Variants in CACNA1H observed in about 807,000 individuals in gnomAD.
CACNA1H encodes the protein voltage-dependent T-type calcium channel subunit alpha-1H.
CACNA1H carries 149 observed loss-of-function variants against 192.5 expected under a neutral mutation model. The observed-to-expected ratio is 0.77, with a 90% CI of 0.68 to 0.89. CACNA1H has a LOEUF of 0.89. Ranked by LOEUF, CACNA1H falls within the 40% of genes least tolerant of loss-of-function variation. CACNA1H has a pLI of 0.00. For synonymous variants in CACNA1H, 2,202 were observed against 1,475.2 expected, an observed-to-expected ratio of 1.49 and a Z score of -11.29; for missense variants, 4,257 against 3,423.5, an observed-to-expected ratio of 1.24 and a Z score of -6.08.
In CACNA1H at chr16:1,213,048, C is replaced by T. The variant is rs60104047; in HGVS notation, c.4777+520C>T. Among the ~76,000 whole-genome samples the T allele has an allele frequency of 5.0e-3, 765 of 152,328 alleles. 8 individuals carry two copies. The highest frequency in any genetic ancestry group is 0.017 in the African/African-American group (706 of 41,582). On this transcript the variant is annotated intron_variant, in intron 26 of 34. Coordinates refer to ENST00000348261, the MANE Select transcript of CACNA1H (RefSeq NM_021098.3). The stretch of plus-strand genomic sequence containing the variant: ...GCCTTCACCCGCGGGAGCTCCTCCT[C>T]GTACGTGGAGGGGCCCTGGAGGCTG...
chr16:1,216,106 G>A (rs966136383), intron 30 of CACNA1H, among the ~76,000 whole-genome samples: 13 of 152,070 alleles, frequency 8.5e-5, no homozygotes, highest in Non-Finnish European at 1.5e-4. Flanking sequence ...CCGTGTGTCC[G>A]TCCATCCACC....
At chr16:1,177,654 GGGAGTGTGTTTCTCGGTTCT>G (rs1288769216) in intron 2 of CACNA1H, among the ~76,000 whole-genome samples, 2 of 152,082 alleles carry the variant, frequency 1.3e-5, no homozygotes, top group Admixed American at 6.5e-5. Flanking sequence ...CGGGGACAGA[GGGAGTGTGTTTCTCGGTTCT>G]GGAGGCTGGA....
intron 26 of CACNA1H, among the ~76,000 whole-genome samples, chr16:1,213,291 C>T (rs935065198): frequency 6.6e-6 from 1 of 152,194 alleles, no homozygotes; most frequent in Non-Finnish European, 1.5e-5. Flanking sequence ...GTGGGGCTGC[C>T]CTGCCCAGCC....
intron 2 of CACNA1H, among the ~76,000 whole-genome samples, chr16:1,193,887 C>G (rs1459190080): frequency 1.3e-5 from 2 of 152,064 alleles, no homozygotes; most frequent in African/African-American, 4.8e-5. Context: ...CAAGCCTGTT[C>G]CCCTCCTACC....
chr16:1,185,040 G>A (rs772124109), intron 2 of CACNA1H, among the ~76,000 whole-genome samples: 5 of 152,146 alleles, frequency 3.3e-5, no homozygotes, highest in Non-Finnish European at 7.4e-5. Context: ...ATCAGCCCTC[G>A]CTGCCCAGCC....
intron 2 of CACNA1H, among the ~76,000 whole-genome samples, chr16:1,170,221 G>T (rs1032087173): frequency 6.6e-6 from 1 of 152,160 alleles, no homozygotes; most frequent in African/African-American, 2.4e-5. Flanking sequence ...CCGAGGCTCA[G>T]CCCACCCTGT....
At position 1,162,457 on chromosome 16, in the gene CACNA1H, C is replaced by T. The variant is rs185445992; in HGVS notation, c.299+8421C>T. ...AGTCAGCCCCTTTCAGGATGAATCGCGATTGGTCGCCCACTGTTGTCAGGC... is the reference window on the plus strand; with the variant it reads ...AGTCAGCCCCTTTCAGGATGAATCGTGATTGGTCGCCCACTGTTGTCAGGC... On this transcript the variant is annotated intron_variant, in intron 2 of 34. Transcript: ENST00000348261. Among the ~76,000 whole-genome samples the T allele has an allele frequency of 4.3e-4, 66 of 152,304 alleles. No individual in the cohort carries two copies. The South Asian group carries it at 0.013, about 29-fold the overall frequency.
chr16:1,213,462 C>T (rs1482387185), intron 26 of CACNA1H, among the ~76,000 whole-genome samples: 1 of 152,110 alleles, frequency 6.6e-6, no homozygotes, highest in African/African-American at 2.4e-5. Context: ...TGGGGGCTGC[C>T]TGGCGCAACC....
At chr16:1,203,828 C>T (rs1192017147) in intron 9 of CACNA1H, among the ~76,000 whole-genome samples, 182 bp from the exon 10 acceptor site, 1 of 152,230 alleles carries the variant, frequency 6.6e-6, no homozygotes, top group Non-Finnish European at 1.5e-5. Flanking sequence ...TCATTGTAAC[C>T]CATGACACCT....
rs58812334 is a variant in CACNA1H at position 1,209,406 on chromosome 16, G to A, written c.3738G>A (p.Ser1246=). The A allele has an allele frequency of 0.015, 24,571 of 1,597,486 alleles. 215 individuals are homozygous for A. Among genetic ancestry groups the A allele is most frequent in the Non-Finnish European group, 0.019 (21,890 of 1,179,342 alleles). The part of the protein sequence containing the change: ...REDAAELDDD[S]EDSCCLRLHK... ...ATGCAGCCGAGCTTGACGACGACTC[G>A]GAGGACGTGAGTGCGTGGCCCTGGG... Residue 1246 remains serine (S), a synonymous_variant, in exon 17 of 35, where the codon TCG becomes TCA. Transcript: ENST00000348261.
rs368713417 is a variant in CACNA1H at position 1,198,634 on chromosome 16, T to C, written c.663T>C (p.Thr221=). 8 of 1,613,226 alleles carry C rather than the reference T, an allele frequency of 5.0e-6. No individual in the cohort carries two copies. The South Asian group carries it at 8.8e-5, about 18-fold the overall frequency. Residue 221 remains threonine (T), a synonymous_variant, in exon 6 of 35, where the codon ACT becomes ACC. Coordinates refer to ENST00000348261, the MANE Select transcript of CACNA1H (RefSeq NM_021098.3). ...NRVPSMRILV[T]LLLDTLPMLG... ...CCACAGGCATGCGGATCCTGGTCAC[T>C]CTGCTGCTGGATACGCTGCCCATGC...
At chr16:1,192,189 G>A (rs1966683919) in intron 2 of CACNA1H, among the ~76,000 whole-genome samples, 1 of 152,216 alleles carries the variant, frequency 6.6e-6, no homozygotes, top group Non-Finnish European at 1.5e-5. Context: ...GGGCACCCAG[G>A]CCCCCTCCTG....
At chr16:1,189,222 G>A (rs910735023) in intron 2 of CACNA1H, among the ~76,000 whole-genome samples, 17 of 152,010 alleles carry the variant, frequency 1.1e-4, no homozygotes, top group African/African-American at 3.6e-4. Context: ...CGTCCTGGGC[G>A]GGACTGGTTT....
chr16:1,200,483 A>G lies in CACNA1H; in HGVS notation c.1031A>G (p.Tyr344Cys), dbSNP rs764277325. 1.2e-6 allele frequency: 2 copies of G among 1,612,166 alleles called. No individual in the cohort carries two copies. Among genetic ancestry groups the G allele is most frequent in the Non-Finnish European group, 1.7e-6 (2 of 1,179,698 alleles). The change falls in exon 7 of 35, where the codon TAC becomes TGC. Residue 344 changes from tyrosine to cysteine, a missense_variant. Tyr to Cys is a radical substitution (Grantham distance 194). Transcript: ENST00000348261. ...RNACINWNQY[Y>C]NVCRSGDSNP... is the part of the protein sequence containing the mutation. ...GCCTGCATCAACTGGAACCAGTACT[A>G]CAACGTGTGCCGCTCGGGTGACTCC...
intron 9 of CACNA1H, among the ~76,000 whole-genome samples, chr16:1,203,520 A>G (rs1168189991): frequency 6.6e-6 from 1 of 151,996 alleles, no homozygotes. Context: ...TGTGTGCCCA[A>G]ATGTATGGTT....
At chr16:1,198,469 C>G in intron 5 of CACNA1H, 146 bp from the exon 6 acceptor site, 1 of 812,878 alleles carries the variant, frequency 1.2e-6, no homozygotes. Flanking sequence ...GGGAAAATCA[C>G]CAGGGGGTGG....
In CACNA1H at chr16:1,206,167, G is replaced by C; in HGVS notation, c.2667G>C (p.Leu889=). ...GLSVLRTFRL[L]RVLKLVRFLP... Reference sequence around the variant, plus strand: ...CTGTGCTGCGCACCTTCCGGCTGCTGCGTGTGCTGAAGCTGGTGCGCTTTC... The same window carrying C: ...CTGTGCTGCGCACCTTCCGGCTGCTCCGTGTGCTGAAGCTGGTGCGCTTTC... The change falls in exon 12 of 35, where the codon CTG becomes CTC. Residue 889 remains leucine (L), a synonymous_variant. Coordinates refer to ENST00000348261, the MANE Select transcript of CACNA1H (RefSeq NM_021098.3). 2 of 1,586,424 alleles carry C rather than the reference G, an allele frequency of 1.3e-6. No homozygotes were observed. Among genetic ancestry groups the C allele is most frequent in the Non-Finnish European group, 1.7e-6 (2 of 1,167,984 alleles).
At chr16:1,183,534 C>T (rs1397748403) in intron 2 of CACNA1H, among the ~76,000 whole-genome samples, 2 of 152,238 alleles carry the variant, frequency 1.3e-5, no homozygotes, top group African/African-American at 2.4e-5. Context: ...CGTGTGGCTG[C>T]CTTGCCCTCC....
chr16:1,209,773 G>A (rs1463718869), intron 17 of CACNA1H, among the ~76,000 whole-genome samples: 2 of 152,174 alleles, frequency 1.3e-5, no homozygotes, highest in East Asian at 1.9e-4. Flanking sequence ...CCCAGAGTCA[G>A]GGACCCAAGA....
Sources: allele counts gnomAD v4.1 joint callset (sites outside exome capture counted in the v4.1 genomes callset), GRCh38; gene constraint gnomAD v4.1.1; transcripts MANE v1.5; gene names NCBI Gene and HGNC (gene_info 2026-07-23, HGNC 2026-07-21).